The following PDPN variants were observed in gnomAD, a reference collection of about 807,000 sequenced individuals.
PDPN encodes the protein podoplanin, also known as PA2.26 antigen.
PDPN carries 12 observed loss-of-function variants against 23.2 expected under a neutral mutation model. That is an observed-to-expected ratio of 0.52 (90% confidence interval 0.33 to 0.84). The LOEUF is 0.84. Among genes scored for constraint, PDPN ranks in the 40% least tolerant of loss-of-function variants. The pLI, the probability that PDPN is intolerant of heterozygous loss-of-function variation, is 0.02. For synonymous variants in PDPN, 77 were observed against 76.7 expected, an observed-to-expected ratio of 1.00 and a Z score of -0.02; for missense variants, 199 against 212.2, an observed-to-expected ratio of 0.94 and a Z score of 0.39.
At chr1:13,609,028 C>T (rs1640867157) in intron 2 of PDPN, among the ~76,000 whole-genome samples, 1 of 152,162 alleles carries the variant, frequency 6.6e-6, no homozygotes. Flanking sequence ...CAGATTTGGC[C>T]CGCCCACTGT....
chr1:13,609,029 C>T (rs1305815099), intron 2 of PDPN, among the ~76,000 whole-genome samples: 3 of 152,132 alleles, frequency 2.0e-5, no homozygotes, highest in South Asian at 2.1e-4. Context: ...AGATTTGGCC[C>T]GCCCACTGTG....
chr1:13,614,505 C>G, intron 5 of PDPN, 94 bp downstream of exon 5: 1 of 761,758 alleles, frequency 1.3e-6, no homozygotes, highest in Non-Finnish European at 2.3e-6. Flanking sequence ...CTGATATAAG[C>G]TGGGTGTGGT....
At chr1:13,590,589 G>A (rs1640314954) in intron 1 of PDPN, among the ~76,000 whole-genome samples, 3 of 152,124 alleles carry the variant, frequency 2.0e-5, no homozygotes, top group Admixed American at 6.5e-5. Context: ...ACAAATGCAT[G>A]GAAATTAGAT....
intron 3 of PDPN, 72 bp downstream of exon 3, chr1:13,610,588 C>G: frequency 6.7e-7 from 1 of 1,497,584 alleles, no homozygotes; most frequent in South Asian, 1.2e-5. Flanking sequence ...AGTCCATCAA[C>G]AAATAGAATA....
rs775622408 is a variant in PDPN, at chr1:13,613,669, A to T, written c.332-18A>T. 8.1e-7 allele frequency: 1 copy of T among 1,240,102 alleles called. No homozygotes were observed. The highest frequency in any genetic ancestry group is 1.2e-6 in the Non-Finnish European group (1 of 843,424). The allele number at this position is 1,240,102 out of a possible 1,614,324, so 76.8% of individuals were successfully genotyped here. On this transcript the variant is annotated intron_variant, in intron 3 of 5. Transcript: ENST00000621990. ...TAAACCCTAATAATTCTACATTATT[A>T]TATCTTTCTATTCACAGAGAAAGTG...
intron 3 of PDPN, 87 bp downstream of exon 3, chr1:13,610,603 A>T: frequency 1.5e-6 from 2 of 1,304,252 alleles, no homozygotes; most frequent in Non-Finnish European, 2.2e-6. Context: ...AGAATAATCA[A>T]TAGGGGGCAT....
chr1:13,597,822 C>A (rs1211830688), intron 1 of PDPN, among the ~76,000 whole-genome samples: 1 of 151,722 alleles, frequency 6.6e-6, no homozygotes, highest in Non-Finnish European at 1.5e-5. Context: ...AAAAATAAAC[C>A]CAATTAGCCA....
chr1:13,604,064 T>C (rs899189155), intron 1 of PDPN, among the ~76,000 whole-genome samples: 6 of 151,994 alleles, frequency 3.9e-5, no homozygotes, highest in Non-Finnish European at 5.9e-5. Flanking sequence ...GCAAGCTAGG[T>C]TGTGGGTATT....
At chr1:13,600,843 GA>G (rs937452591) in intron 1 of PDPN, among the ~76,000 whole-genome samples, 1 of 152,020 alleles carries the variant, frequency 6.6e-6, no homozygotes, top group Non-Finnish European at 1.5e-5. Flanking sequence ...AGAATGAGGG[GA>G]TCAGTGGGTG....
intron 5 of PDPN, chr1:13,614,763 G>T: frequency 4.1e-6 from 2 of 486,062 alleles, no homozygotes; most frequent in Admixed American, 2.2e-5. Context: ...CTCCAGCCTG[G>T]GTGACAGAGC....
chr1:13,613,347 C>A (rs549212406), intron 3 of PDPN, among the ~76,000 whole-genome samples: 1 of 152,262 alleles, frequency 6.6e-6, no homozygotes, highest in East Asian at 1.9e-4. Context: ...GCTCTGGATT[C>A]TTCTGCTACC....
intron 1 of PDPN, among the ~76,000 whole-genome samples, chr1:13,589,821 T>TGATG (rs147491530): frequency 0.1 from 15,285 of 152,010 alleles, 810 homozygotes; most frequent in Middle Eastern, 0.14. Context: ...CCACTTGTAT[T>TGATG]GATTGATTGA....
chr1:13,592,775 C>A (rs1019224212), intron 1 of PDPN, among the ~76,000 whole-genome samples: 30 of 151,896 alleles, frequency 2.0e-4, no homozygotes, highest in Non-Finnish European at 3.7e-4. Flanking sequence ...GTCTCAAACT[C>A]CCGACCTCAG....
intron 1 of PDPN, among the ~76,000 whole-genome samples, chr1:13,594,337 G>C (rs1443076613): frequency 6.6e-6 from 1 of 152,028 alleles, no homozygotes; most frequent in African/African-American, 2.4e-5. Flanking sequence ...ATTTTACCTG[G>C]GCAATGAAGG....
chr1:13,613,661 A>T, intron 3 of PDPN, 26 bp from the exon 4 acceptor site: 1 of 1,131,142 alleles, frequency 8.8e-7, no homozygotes, highest in Non-Finnish European at 1.3e-6. Context: ...TAATAATTCT[A>T]CATTATTATA....
At chr1:13,586,982 C>G (rs1333504288) in intron 1 of PDPN, among the ~76,000 whole-genome samples, 3 of 152,106 alleles carry the variant, frequency 2.0e-5, no homozygotes, top group Non-Finnish European at 2.9e-5. Flanking sequence ...ACTCGTGAGG[C>G]GGCAGTTGCA....
chr1:13,606,010 T>C (rs963824858), intron 1 of PDPN, among the ~76,000 whole-genome samples: 6 of 147,900 alleles, frequency 4.1e-5, no homozygotes, highest in African/African-American at 1.2e-4. Flanking sequence ...AGTTTGGCTC[T>C]TTTTTTTTTG....
At chr1:13,602,277 G>T (rs556435925) in intron 1 of PDPN, among the ~76,000 whole-genome samples, 2 of 152,112 alleles carry the variant, frequency 1.3e-5, no homozygotes, top group African/African-American at 2.4e-5. Context: ...GCCGTGAGCC[G>T]AGATCGTGCC....
chr1:13,585,468 G>T lies in PDPN; in HGVS notation c.67+1368G>T. 4 of 1,317,260 alleles carry T rather than the reference G, an allele frequency of 3.0e-6. No homozygotes were observed. In the South Asian group the frequency reaches 4.8e-5, roughly 16 times the overall value. The allele number at this position is 1,317,260 out of a possible 1,614,324, so 81.6% of individuals were successfully genotyped here. Reference sequence around the variant, plus strand: ...TATTTTCAGTTACATTTCCTTTTTGGCGAGACAATGTGCAAATGACACCGT... The same window carrying T: ...TATTTTCAGTTACATTTCCTTTTTGTCGAGACAATGTGCAAATGACACCGT... On this transcript the variant is annotated intron_variant, in intron 1 of 5. Transcript: ENST00000621990.
Sources: allele counts gnomAD v4.1 joint callset (sites outside exome capture counted in the v4.1 genomes callset), GRCh38; gene constraint gnomAD v4.1.1; transcripts MANE v1.5; gene names NCBI Gene and HGNC (gene_info 2026-07-23, HGNC 2026-07-21).